Variants in SANBR observed in about 807,000 individuals in gnomAD.
SANBR encodes SANT and BTB domain regulator of CSR.
SANBR carries 77 observed loss-of-function variants against 101.8 expected under a neutral mutation model. That is an observed-to-expected ratio of 0.76 (90% CI 0.63 to 0.91). SANBR has a LOEUF of 0.91. Ranked by LOEUF, SANBR falls within the 40% of genes least tolerant of loss-of-function variation. SANBR has a pLI of 0.00. For synonymous variants in SANBR, 279 were observed against 274.7 expected (o/e 1.02, Z -0.15); for missense variants, 875 against 853.0 (o/e 1.03, Z -0.32).
chr2:61,101,770 C>T (rs1042312033), intron 12 of SANBR, among the ~76,000 whole-genome samples: 1 of 151,886 alleles, frequency 6.6e-6, no homozygotes, highest in African/African-American at 2.4e-5. Context: ...GGCACAGTGG[C>T]TCAAGCCTGT....
Position 61,122,802 on chromosome 2 carries a change from T to G in SANBR, c.*640T>G, listed in dbSNP as rs1244837841. 19 of 985,330 alleles carry G rather than the reference T, an allele frequency of 1.9e-5. No homozygotes were observed. The highest frequency in any genetic ancestry group is 2.3e-5 in the Non-Finnish European group (19 of 829,830). 61.0% of individuals were successfully genotyped at this position (985,330 alleles called of 1,614,324 possible). Reference sequence around the variant, plus strand: ...AACTTTTTTTTCTTTCAGTTTTTAATGCTTATCTATTGATCATCTGAGCTG... The same window carrying G: ...AACTTTTTTTTCTTTCAGTTTTTAAGGCTTATCTATTGATCATCTGAGCTG... On this transcript the variant is annotated 3_prime_UTR_variant, in exon 22 of 22. Coordinates refer to ENST00000402291, the MANE Select transcript of SANBR (RefSeq NM_001129993.3).
chr2:61,127,804 T>TA (rs780815146), downstream of SANBR, among the ~76,000 whole-genome samples: 6 of 152,110 alleles, frequency 3.9e-5, no homozygotes, highest in East Asian at 1.9e-4. Flanking sequence ...GAAAGGAAGA[T>TA]AAAAAAATGT....
downstream of SANBR, chr2:61,124,293 GTC>G: frequency 1.1e-6 from 1 of 951,424 alleles, no homozygotes. Flanking sequence ...TGTTTGGAAA[GTC>G]TCTTTATCTG....
intron 20 of SANBR, among the ~76,000 whole-genome samples, chr2:61,132,226 A>G (rs188923090): frequency 2.0e-5 from 3 of 152,344 alleles, no homozygotes; most frequent in Non-Finnish European, 1.5e-5. Context: ...AAGTGAAAAG[A>G]TAGCTTACAG....
At chr2:61,108,453 A>C (rs886665361) in intron 15 of SANBR, 104 bp downstream of exon 15, 2 of 676,604 alleles carry the variant, frequency 3.0e-6, no homozygotes, top group African/African-American at 1.9e-5. Context: ...ATTTTAGTTA[A>C]ATGTACATCT....
Position 61,097,817 on chromosome 2 carries a change from A to G in SANBR, c.1330A>G (p.Lys444Glu), listed in dbSNP as rs147232575. The change falls in exon 12 of 22, where the codon AAG becomes GAG. Residue 444 changes from lysine (K) to glutamate (E), a missense_variant. Transcript: ENST00000402291. ...TGGAATTTATCCCTGCTGTAACCAAAAGGTTCTTCGGTTTGATCCTACTCA... is the reference window on the plus strand; with the variant it reads ...TGGAATTTATCCCTGCTGTAACCAAGAGGTTCTTCGGTTTGATCCTACTCA... ...GTGIYPCCNQ[K>E]VLRFDPTQLT... The G allele has an allele frequency of 6.2e-7, 1 of 1,613,248 alleles. No homozygotes were observed. The highest frequency in any genetic ancestry group is 1.3e-5 in the African/African-American group (1 of 74,890).
At chr2:61,120,361 G>T (rs917680820) in intron 20 of SANBR, among the ~76,000 whole-genome samples, 3 of 152,122 alleles carry the variant, frequency 2.0e-5, no homozygotes, top group African/African-American at 7.2e-5. Flanking sequence ...TTAGCTGGGC[G>T]TGGTGGTGCA....
chr2:61,134,091 T>TATA, intron 20 of SANBR: 1 of 1,604,598 alleles, frequency 6.2e-7, no homozygotes, highest in Non-Finnish European at 8.5e-7. Context: ...CCTGGGTGTG[T>TATA]ATATCCATCA....
At chr2:61,089,065 T>TGAA in intron 10 of SANBR, 1 of 953,358 alleles carries the variant, frequency 1.0e-6, no homozygotes. Context: ...AAATGCTCTC[T>TGAA]TTTCACTAAC....
chr2:61,073,645 A>G, intron 5 of SANBR, 94 bp downstream of exon 5: 1 of 628,180 alleles, frequency 1.6e-6, no homozygotes, highest in South Asian at 2.9e-5. Flanking sequence ...GGAATTTCAT[A>G]TTGCATAATT....
chr2:61,097,697 C>A lies in SANBR; in HGVS notation c.1213-3C>A. The A allele has an allele frequency of 6.3e-7, 1 of 1,584,086 alleles. No homozygotes were observed. Among genetic ancestry groups the A allele is most frequent in the Non-Finnish European group, 8.6e-7 (1 of 1,160,608 alleles). ...TAGTTGATTTTATCTATGTCTTTAT[C>A]AGGCCTTTCTCTGTATTGAATTTTC... On this transcript the variant is annotated splice_region_variant and splice_polypyrimidine_tract_variant and intron_variant, in intron 11 of 21. Transcript: ENST00000402291.
intron 5 of SANBR, among the ~76,000 whole-genome samples, chr2:61,073,971 GATA>G (rs1681621230): frequency 2.0e-5 from 3 of 151,220 alleles, no homozygotes; most frequent in African/African-American, 7.3e-5. Context: ...TGCAAGTTTT[GATA>G]GTTTTGTATA....
Position 61,092,381 on chromosome 2 carries a change from T to C in SANBR, c.1089-83T>C, listed in dbSNP as rs182951461. 5.3e-5 allele frequency: 58 copies of C among 1,095,922 alleles called. No homozygotes were observed. In the African/African-American group the frequency reaches 9.4e-4, roughly 18 times the overall value. The allele number at this position is 1,095,922 out of a possible 1,614,324, so 67.9% of individuals were successfully genotyped here. On this transcript the variant is annotated intron_variant, in intron 10 of 21. Coordinates refer to ENST00000402291, the MANE Select transcript of SANBR (RefSeq NM_001129993.3). ...CCTGGGCAACAAGAGTGAAACTCCA[T>C]CTCAAAGAAGATAATAATTAAATAA... is the stretch of plus-strand genomic sequence containing the variant.
intron 16 of SANBR, among the ~76,000 whole-genome samples, chr2:61,112,570 T>C (rs1332188377): frequency 6.6e-6 from 1 of 152,094 alleles, no homozygotes; most frequent in Non-Finnish European, 1.5e-5. Flanking sequence ...GATCTCTCAC[T>C]GCAACCTCTG....
chr2:61,093,412 A>G (rs1003595512), intron 11 of SANBR: 2 of 152,166 alleles, frequency 1.3e-5, no homozygotes, highest in Admixed American at 1.3e-4. Context: ...CCTGACCAAC[A>G]TGGAGAAACC....
At position 61,092,490 on chromosome 2, in the gene SANBR, A is replaced by G. The variant is rs773319463; in HGVS notation, c.1115A>G (p.Tyr372Cys). Reference protein sequence around the residue: ...IRDKTWDVHEYLNSLFEELKS... With the variant: ...IRDKTWDVHECLNSLFEELKS... ...GATAAGACATGGGATGTTCATGAGT[A>G]TTTGAATAGTCTTTTCGAAGAATTA... is the stretch of plus-strand genomic sequence containing the variant. Residue 372 changes from tyrosine to cysteine, a missense_variant, in exon 11 of 22, where the codon TAT becomes TGT. By Grantham distance (194) the Tyr-to-Cys change is radical (BLOSUM62 -2). Coordinates refer to ENST00000402291, the MANE Select transcript of SANBR (RefSeq NM_001129993.3). 22 of 1,602,058 alleles carry G rather than the reference A, an allele frequency of 1.4e-5. No homozygotes were observed. The highest frequency in any genetic ancestry group is 3.3e-4 in the Middle Eastern group (2 of 6,064).
intron 17 of SANBR, among the ~76,000 whole-genome samples, chr2:61,116,516 C>T (rs1173415659): frequency 6.6e-6 from 1 of 151,914 alleles, no homozygotes; most frequent in Non-Finnish European, 1.5e-5. Flanking sequence ...AAAAATAAAT[C>T]ATATTTTATG....
At chr2:61,106,756 A>C (rs911938536) in intron 14 of SANBR, 94 bp downstream of exon 14, 4 of 720,024 alleles carry the variant, frequency 5.6e-6, no homozygotes, top group Non-Finnish European at 9.0e-6. Flanking sequence ...GTTGAAATTG[A>C]ACTGACTACC....
At chr2:61,097,898 A>T in intron 12 of SANBR, 46 bp downstream of exon 12, 1 of 1,504,470 alleles carries the variant, frequency 6.6e-7, no homozygotes, top group African/African-American at 1.4e-5. Context: ...TTTAAAGTAT[A>T]ACAGTAATAC....
Sources: allele counts gnomAD v4.1 joint callset (sites outside exome capture counted in the v4.1 genomes callset), GRCh38; gene constraint gnomAD v4.1.1; transcripts MANE v1.5; gene names NCBI Gene and HGNC (gene_info 2026-07-23, HGNC 2026-07-21).